LRP1B: variants seen among roughly 807,000 people sequenced by gnomAD.
The protein encoded by LRP1B is LDL receptor related protein 1B, also known as low-density lipoprotein receptor-related protein 1B.
Under a neutral mutation model 556.6 loss-of-function variants are expected in LRP1B, and 217 were observed. The observed-to-expected ratio is 0.39, with a 90% CI of 0.35 to 0.44. The LOEUF (loss-of-function observed/expected upper bound fraction) is 0.44. LRP1B is among the 20% of genes least tolerant of loss of function. The probability of loss-of-function intolerance (pLI) is 1.00; values close to 1 mark genes in which losing one functional copy is unlikely to be tolerated. For missense variants in LRP1B, 5,053 were observed against 5,620.8 expected (o/e 0.90, Z 3.23); for synonymous variants, 2,047 against 1,865.8 (o/e 1.10, Z -2.50).
chr2:140,955,178 C>T (rs996498300), intron 18 of LRP1B, among the ~76,000 whole-genome samples: 1 of 151,778 alleles, frequency 6.6e-6, no homozygotes, highest in African/African-American at 2.4e-5. Context: ...TTGAATAACT[C>T]CCGGGGTTTT....
intron 11 of LRP1B, among the ~76,000 whole-genome samples, chr2:141,038,860 C>T (rs926397957): frequency 2.0e-5 from 3 of 151,970 alleles, no homozygotes. Context: ...GAATGTATTT[C>T]TTTATTTTAA....
At chr2:140,701,678 C>A (rs2105425285) in intron 40 of LRP1B, 43 bp downstream of exon 40, 2 of 1,537,950 alleles carry the variant, frequency 1.3e-6, no homozygotes, top group Non-Finnish European at 8.8e-7. Flanking sequence ...GGAGAGAAAT[C>A]ACATAAAATA....
At chr2:140,953,948 C>G (rs916237301) in intron 18 of LRP1B, among the ~76,000 whole-genome samples, 3 of 152,150 alleles carry the variant, frequency 2.0e-5, no homozygotes, top group African/African-American at 7.2e-5. Context: ...ATGAATGTAC[C>G]TAAACCGTTA....
chr2:141,067,268 CTT>C (rs1699504514), intron 7 of LRP1B, among the ~76,000 whole-genome samples: 1 of 151,920 alleles, frequency 6.6e-6, no homozygotes, highest in African/African-American at 2.4e-5. Flanking sequence ...AGTAATGAGT[CTT>C]TGAAATAAAA....
chr2:140,683,420 T>G (rs1411591168), intron 41 of LRP1B: 2 of 535,226 alleles, frequency 3.7e-6, no homozygotes, highest in Non-Finnish European at 7.2e-6. Context: ...GGGTTATCAG[T>G]TGAGGTGGAT....
rs1573755475 is a variant in LRP1B at position 141,285,947 on chromosome 2, G to T, written c.344-31306C>A. ...CCGGGCGTAGTGGCGGGCGCCTGTA[G>T]TCCCAGCTACTTGGGAGGCTGAGGC... On this transcript the variant is annotated intron_variant, in intron 3 of 90. Coordinates refer to ENST00000389484, the MANE Select transcript of LRP1B (RefSeq NM_018557.3). 1.0e-4 allele frequency among the ~76,000 whole-genome samples: 15 copies of T among 147,106 alleles called. 1 individual carries two copies. In the South Asian group the frequency reaches 3.2e-3, roughly 31 times the overall value.
intron 2 of LRP1B, among the ~76,000 whole-genome samples, chr2:141,689,617 A>G (rs1691440372): frequency 6.6e-6 from 1 of 151,980 alleles, no homozygotes; most frequent in Admixed American, 6.6e-5. Flanking sequence ...GATCTTTAAA[A>G]GCCAAATTTA....
intron 7 of LRP1B, among the ~76,000 whole-genome samples, chr2:141,175,010 C>T (rs1198218020): frequency 1.3e-5 from 2 of 152,038 alleles, no homozygotes; most frequent in African/African-American, 2.4e-5. Context: ...TTGGCCCTGC[C>T]CTGGAGATTT....
At chr2:140,356,211 G>T in intron 75 of LRP1B, 131 bp downstream of exon 75, 1 of 912,290 alleles carries the variant, frequency 1.1e-6, no homozygotes, top group Non-Finnish European at 1.7e-6. Context: ...ATTCTCATAA[G>T]TGAAATGGTA....
intron 1 of LRP1B, among the ~76,000 whole-genome samples, chr2:142,028,409 G>T (rs915558828): frequency 3.3e-5 from 5 of 151,934 alleles, no homozygotes; most frequent in African/African-American, 1.2e-4. Flanking sequence ...TTTCTAGAAT[G>T]TCATACAAAT....
At chr2:140,699,798 T>A (rs1686564465) in intron 41 of LRP1B, among the ~76,000 whole-genome samples, 1 of 147,394 alleles carries the variant, frequency 6.8e-6, no homozygotes, top group African/African-American at 2.5e-5. Context: ...TAATATATAT[T>A]ATATATATAT....
At chr2:141,186,090 A>AAAAAC (rs931498821) in intron 7 of LRP1B, among the ~76,000 whole-genome samples, 2 of 151,148 alleles carry the variant, frequency 1.3e-5, no homozygotes, top group African/African-American at 2.4e-5. Flanking sequence ...AAAAAAAAAA[A>AAAAAC]AAAAAAAAAC....
At chr2:141,082,940 A>G (rs1380875193) in intron 7 of LRP1B, among the ~76,000 whole-genome samples, 2 of 152,188 alleles carry the variant, frequency 1.3e-5, no homozygotes, top group East Asian at 3.9e-4. Flanking sequence ...ATTCTCCCCA[A>G]CCACCACCTT....
At position 140,939,818 on chromosome 2, in the gene LRP1B, G is replaced by C. The variant is rs189946926; in HGVS notation, c.3136+10417C>G. Among the ~76,000 whole-genome samples, 806 of 151,114 alleles carry C rather than the reference G, an allele frequency of 5.3e-3. 5 individuals carry two copies. Among genetic ancestry groups the C allele is most frequent in the Non-Finnish European group, 9.3e-3 (630 of 67,800 alleles). On this transcript the variant is annotated intron_variant, in intron 20 of 90. Coordinates refer to ENST00000389484, the MANE Select transcript of LRP1B (RefSeq NM_018557.3). Reference sequence around the variant, plus strand: ...CTTTTAGTTGCAATTAGAAAATACAGGTAAAATTTTTTTTAGGAAAAACAT... The same window carrying C: ...CTTTTAGTTGCAATTAGAAAATACACGTAAAATTTTTTTTAGGAAAAACAT...
chr2:141,734,448 G>A (rs1282573771), intron 2 of LRP1B, among the ~76,000 whole-genome samples: 4 of 151,934 alleles, frequency 2.6e-5, no homozygotes, highest in Admixed American at 1.3e-4. Context: ...AAAACACACA[G>A]GGAGAGATAG....
intron 3 of LRP1B, among the ~76,000 whole-genome samples, chr2:141,415,055 C>T (rs1185919128): frequency 6.6e-6 from 1 of 152,186 alleles, no homozygotes; most frequent in Non-Finnish European, 1.5e-5. Context: ...TGCTCTGTCA[C>T]CCAGGCTGAA....
At chr2:141,399,082 C>T (rs1374509570) in intron 3 of LRP1B, among the ~76,000 whole-genome samples, 1 of 151,970 alleles carries the variant, frequency 6.6e-6, no homozygotes, top group Non-Finnish European at 1.5e-5. Context: ...ATGGTGAAAC[C>T]CCATCTCTAC....
chr2:140,910,549 C>G (rs1168586490), intron 21 of LRP1B, among the ~76,000 whole-genome samples: 2 of 151,570 alleles, frequency 1.3e-5, no homozygotes, highest in Non-Finnish European at 3.0e-5. Context: ...CAGAAAAAAA[C>G]ATTTAATCAT....
intron 41 of LRP1B, among the ~76,000 whole-genome samples, chr2:140,659,110 T>TG (rs1336958248): frequency 1.5e-5 from 2 of 137,790 alleles, no homozygotes; most frequent in Non-Finnish European, 1.5e-5. Flanking sequence ...TTTTTTTTTT[T>TG]TTTTTTTTTT....
Sources: gnomAD v4.1 joint callset for allele counts (sites outside exome capture counted in the v4.1 genomes callset) on GRCh38, gnomAD v4.1.1 for gene constraint, MANE v1.5 for transcripts, NCBI Gene and HGNC (gene_info 2026-07-23, HGNC 2026-07-21) for gene names.